Variants in THSD7B observed in about 807,000 individuals in gnomAD.
THSD7B encodes thrombospondin type-1 domain-containing protein 7B.
A neutral mutation model predicts 213.6 loss-of-function variants in THSD7B; 138 were observed. The ratio of observed to expected loss-of-function variants is 0.65; its 90% CI spans 0.56 to 0.74. The LOEUF (loss-of-function observed/expected upper bound fraction) is 0.74. THSD7B is among the 30% of genes least tolerant of loss of function. The probability of loss-of-function intolerance (pLI) is 0.00; values close to 1 mark genes in which losing one functional copy is unlikely to be tolerated. For synonymous variants in THSD7B, 742 were observed against 687.0 expected (o/e 1.08, Z -1.25); for missense variants, 1,931 against 1,991.5 (o/e 0.97, Z 0.58).
chr2:136,866,799 G>C (rs1287205461), intron 1 of THSD7B, among the ~76,000 whole-genome samples: 1 of 152,176 alleles, frequency 6.6e-6, no homozygotes, highest in African/African-American at 2.4e-5. Context: ...GTTATGAAAG[G>C]TGTAATGTTG....
intron 5 of THSD7B, among the ~76,000 whole-genome samples, chr2:137,149,660 T>C (rs1029115653): frequency 2.0e-5 from 3 of 152,116 alleles, no homozygotes; most frequent in Non-Finnish European, 4.4e-5. Flanking sequence ...TCGAAGGAGA[T>C]CATTTTGGAG....
chr2:137,363,363 A>G lies in THSD7B; in HGVS notation c.2501-42250A>G, dbSNP rs184583797. Among the ~76,000 whole-genome samples the G allele has an allele frequency of 2.2e-4, 33 of 152,360 alleles. No homozygotes were observed. The East Asian group carries it at 6.4e-3, about 29-fold the overall frequency. ...AGAGCAAACAAATTCAAAAGCTAGCAGAAGGCAAGAAATAACTAAGATCAG... is the reference window on the plus strand; with the variant it reads ...AGAGCAAACAAATTCAAAAGCTAGCGGAAGGCAAGAAATAACTAAGATCAG... On this transcript the variant is annotated intron_variant, in intron 12 of 27. Coordinates refer to ENST00000409968, the MANE Select transcript of THSD7B (RefSeq NM_001316349.2).
chr2:136,869,098 T>TA (rs35050602), intron 1 of THSD7B, among the ~76,000 whole-genome samples: 2 of 152,262 alleles, frequency 1.3e-5, no homozygotes, highest in East Asian at 1.9e-4. Flanking sequence ...TTATAATTTG[T>TA]AAAAAAAGTT....
At chr2:136,973,450 C>A (rs143437389) in intron 2 of THSD7B, among the ~76,000 whole-genome samples, 1 of 151,972 alleles carries the variant, frequency 6.6e-6, no homozygotes, top group African/African-American at 2.4e-5. Flanking sequence ...TTCCTTTTTT[C>A]TGCACTTTTT....
At chr2:137,345,368 G>A (rs1157514612) in intron 12 of THSD7B, among the ~76,000 whole-genome samples, 1 of 151,256 alleles carries the variant, frequency 6.6e-6, no homozygotes, top group Non-Finnish European at 1.5e-5. Context: ...AGAGACATAA[G>A]GAAAAAAATA....
At chr2:136,815,874 T>A (rs184754132) in intron 1 of THSD7B, among the ~76,000 whole-genome samples, 1 of 152,116 alleles carries the variant, frequency 6.6e-6, no homozygotes, top group Non-Finnish European at 1.5e-5. Context: ...GCGAGGGATG[T>A]CAGAATTTTT....
At chr2:137,531,733 A>C (rs533884047) in intron 15 of THSD7B, among the ~76,000 whole-genome samples, 2 of 151,954 alleles carry the variant, frequency 1.3e-5, no homozygotes, top group African/African-American at 2.4e-5. Flanking sequence ...AGGTAAACTT[A>C]AGACAAAGGC....
chr2:137,551,034 G>A (rs1176890169), intron 15 of THSD7B, among the ~76,000 whole-genome samples: 1 of 151,148 alleles, frequency 6.6e-6, no homozygotes, highest in Non-Finnish European at 1.5e-5. Flanking sequence ...TAATAAAAAA[G>A]CAACCGAATC....
intron 12 of THSD7B, among the ~76,000 whole-genome samples, chr2:137,360,692 C>A (rs985158871): frequency 6.6e-6 from 1 of 152,154 alleles, no homozygotes; most frequent in Admixed American, 6.5e-5. Context: ...AGTACATAAA[C>A]AAAGTGGCCT....
intron 2 of THSD7B, among the ~76,000 whole-genome samples, chr2:136,898,056 GAC>G (rs1006036403): frequency 6.6e-6 from 1 of 152,194 alleles, no homozygotes; most frequent in Non-Finnish European, 1.5e-5. Flanking sequence ...CAATCTTTTA[GAC>G]ACAGAGCGCT....
intron 2 of THSD7B, among the ~76,000 whole-genome samples, chr2:136,884,294 A>G (rs1352575222): frequency 6.6e-6 from 1 of 152,220 alleles, no homozygotes; most frequent in East Asian, 1.9e-4. Flanking sequence ...CCTGAACTGT[A>G]TCAGTTGGGA....
chr2:137,356,461 G>A lies in THSD7B; in HGVS notation c.2501-49152G>A, dbSNP rs1685130916. Among the ~76,000 whole-genome samples the A allele has an allele frequency of 3.9e-5, 6 of 152,304 alleles. No homozygotes were observed. In the South Asian group the frequency reaches 1.2e-3, roughly 32 times the overall value. On this transcript the variant is annotated intron_variant, in intron 12 of 27. Transcript: ENST00000409968. Reference sequence around the variant, plus strand: ...AAAGCTGTCTTTAAGTCCAAAAGATGTCTGTGTTAGATTATTATTTTAATA... The same window carrying A: ...AAAGCTGTCTTTAAGTCCAAAAGATATCTGTGTTAGATTATTATTTTAATA...
chr2:136,900,432 C>T (rs754255490), intron 2 of THSD7B, among the ~76,000 whole-genome samples: 5 of 151,972 alleles, frequency 3.3e-5, no homozygotes, highest in Non-Finnish European at 4.4e-5. Flanking sequence ...TGAACCATGG[C>T]TTAATTTAGA....
chr2:137,654,149 T>G (rs1007514729), intron 21 of THSD7B, among the ~76,000 whole-genome samples: 7 of 152,222 alleles, frequency 4.6e-5, no homozygotes, highest in Non-Finnish European at 8.8e-5. Flanking sequence ...TTTAGCACTA[T>G]ATAGCATCTT....
intron 12 of THSD7B, among the ~76,000 whole-genome samples, chr2:137,364,917 C>G (rs903763191): frequency 3.9e-5 from 6 of 152,028 alleles, no homozygotes; most frequent in Non-Finnish European, 5.9e-5. Context: ...AACCAAAAAA[C>G]AGCCCACATT....
chr2:136,910,752 A>G (rs2105023020), intron 2 of THSD7B, among the ~76,000 whole-genome samples: 1 of 152,250 alleles, frequency 6.6e-6, no homozygotes, highest in East Asian at 1.9e-4. Context: ...TTTTGTAAAT[A>G]TTACCCCAAA....
At chr2:137,303,715 T>TA (rs1169945138) in intron 12 of THSD7B, among the ~76,000 whole-genome samples, 2 of 140,540 alleles carry the variant, frequency 1.4e-5, no homozygotes, top group East Asian at 4.0e-4. Context: ...TATATATATA[T>TA]TTATATATAT....
intron 2 of THSD7B, among the ~76,000 whole-genome samples, chr2:136,945,434 G>A (rs1029322989): frequency 5.3e-5 from 8 of 152,158 alleles, no homozygotes; most frequent in Non-Finnish European, 1.0e-4. Flanking sequence ...TGGTGAATCT[G>A]ACAATTATGT....
intron 2 of THSD7B, among the ~76,000 whole-genome samples, chr2:136,930,987 T>G (rs936631605): frequency 3.0e-4 from 46 of 152,136 alleles, no homozygotes; most frequent in African/African-American, 1.1e-3. Flanking sequence ...TCTGGGCCAA[T>G]AATAGTGCTT....
Sources: allele counts gnomAD v4.1 joint callset (sites outside exome capture counted in the v4.1 genomes callset), GRCh38; gene constraint gnomAD v4.1.1; transcripts MANE v1.5; gene names NCBI Gene and HGNC (gene_info 2026-07-23, HGNC 2026-07-21).